The following MEGF6 variants were observed in gnomAD, a reference collection of about 807,000 sequenced individuals.
The protein encoded by MEGF6 is multiple epidermal growth factor-like domains protein 6.
MEGF6 carries 184 observed loss-of-function variants against 207.1 expected under a neutral mutation model. The ratio of observed to expected loss-of-function variants is 0.89; its 90% confidence interval spans 0.79 to 1.00. The LOEUF (loss-of-function observed/expected upper bound fraction) is 1.00, where lower values mean the gene tolerates loss of function less well. Among genes scored for constraint, MEGF6 ranks in the 50% least tolerant of loss-of-function variants. MEGF6 has a pLI of 0.00. For synonymous variants in MEGF6, 1,038 were observed against 910.0 expected, an observed-to-expected ratio of 1.14 and a Z score of -2.53; for missense variants, 2,282 against 2,202.9, an observed-to-expected ratio of 1.04 and a Z score of -0.72.
chr1:3,571,473 GCT>G (rs1643491454), intron 4 of MEGF6, among the ~76,000 whole-genome samples: 2 of 151,802 alleles, frequency 1.3e-5, no homozygotes, highest in Non-Finnish European at 2.9e-5. Context: ...CCCCAAGGGT[GCT>G]GGGTCCTCCC....
In MEGF6 at chr1:3,514,544, T is replaced by C; in HGVS notation, c.853+6A>G. On this transcript the variant is annotated splice_donor_region_variant and intron_variant, in intron 7 of 36. Coordinates refer to ENST00000356575, the MANE Select transcript of MEGF6 (RefSeq NM_001409.4). ...GGCGGGGCGGAGCAGGGGAGGGGCG[T>C]CCTACCTTCACAGGCCTTGCCGTCC... 1 of 1,589,190 alleles carries C rather than the reference T, an allele frequency of 6.3e-7. No individual in the cohort carries two copies.
At chr1:3,552,125 GCT>G (rs1456882375) in intron 4 of MEGF6, among the ~76,000 whole-genome samples, 7 of 152,330 alleles carry the variant, frequency 4.6e-5, no homozygotes, top group African/African-American at 1.7e-4. Flanking sequence ...CCCAGCGGTG[GCT>G]CCCCTCAGGA....
At position 3,501,862 on chromosome 1, in the gene MEGF6, G is replaced by T. The variant is rs773488474; in HGVS notation, c.2248C>A (p.Pro750Thr). 6 of 1,608,374 alleles carry T rather than the reference G, an allele frequency of 3.7e-6. No individual in the cohort carries two copies. The highest frequency in any genetic ancestry group is 5.1e-6 in the Non-Finnish European group (6 of 1,178,540). The part of the protein sequence containing the change: ...CSSSCSCGGA[P>T]CHGVTGQCRC... Reference sequence around the variant, plus strand: ...CACTGCCCCGTGACCCCGTGGCAGGGGGCCCCCCCACAGGAGCAGGAGCTC... The same window carrying T: ...CACTGCCCCGTGACCCCGTGGCAGGTGGCCCCCCCACAGGAGCAGGAGCTC... Residue 750 changes from proline (P) to threonine (T), a missense_variant, in exon 18 of 37, where the codon CCC (proline) becomes ACC (threonine). Pro to Thr is a conservative substitution (Grantham distance 38). Coordinates refer to ENST00000356575, the MANE Select transcript of MEGF6 (RefSeq NM_001409.4).
Position 3,595,329 on chromosome 1 carries a change from G to A in MEGF6, c.376+9C>T, listed in dbSNP as rs760545407. 2.7e-5 allele frequency: 43 copies of A among 1,600,380 alleles called. No individual in the cohort carries two copies. Among genetic ancestry groups the A allele is most frequent in the East Asian group, 8.9e-5 (4 of 44,746 alleles). On this transcript the variant is annotated intron_variant, in intron 3 of 36. Coordinates refer to ENST00000356575, the MANE Select transcript of MEGF6 (RefSeq NM_001409.4). ...GGAGGGAGGGCGGGGAGGCGCAGGCGGCACTCACCCGAGAGGCAGCCCTCC... is the reference window on the plus strand; with the variant it reads ...GGAGGGAGGGCGGGGAGGCGCAGGCAGCACTCACCCGAGAGGCAGCCCTCC...
intron 5 of MEGF6, among the ~76,000 whole-genome samples, chr1:3,515,871 T>A (rs534121730): frequency 1.3e-5 from 2 of 151,820 alleles, no homozygotes; most frequent in African/African-American, 4.8e-5. Flanking sequence ...GCACCAGGGG[T>A]CTCTGAGAAG....
intron 3 of MEGF6, among the ~76,000 whole-genome samples, chr1:3,585,068 CTATG>C (rs1643873073): frequency 6.8e-6 from 1 of 147,254 alleles, no homozygotes; most frequent in Non-Finnish European, 1.5e-5. Context: ...GACACGTGTC[CTATG>C]TGTGAGTGTG....
intron 4 of MEGF6, among the ~76,000 whole-genome samples, chr1:3,537,435 C>T (rs1390219029): frequency 3.3e-5 from 5 of 152,248 alleles, no homozygotes; most frequent in Admixed American, 1.3e-4. Context: ...GGTTACAGGC[C>T]CAGCAGGCAC....
chr1:3,619,076 C>A, the MEGF6 span, among the ~76,000 whole-genome samples: 4 of 152,228 alleles, frequency 2.6e-5, no homozygotes, highest in Non-Finnish European at 5.9e-5. Context: ...CACTTCCCAG[C>A]GGAGATTTCC....
At chr1:3,502,052 G>GAA (rs1569967068) in intron 17 of MEGF6, 131 bp from the exon 18 acceptor site, 1 of 268,324 alleles carries the variant, frequency 3.7e-6, no homozygotes, top group African/African-American at 1.0e-4. Context: ...TGCCCCCCCG[G>GAA]CGCCTCCTCA....
chr1:3,504,783 C>T (rs568785274), intron 17 of MEGF6, among the ~76,000 whole-genome samples: 24 of 152,196 alleles, frequency 1.6e-4, no homozygotes, highest in Non-Finnish European at 3.4e-4. Context: ...GCCGGCACTG[C>T]ACCCAGACCA....
At chr1:3,586,674 G>T (rs78946699) in intron 3 of MEGF6, among the ~76,000 whole-genome samples, 2 of 152,182 alleles carry the variant, frequency 1.3e-5, no homozygotes, top group African/African-American at 4.8e-5. Context: ...CATGCGGCCC[G>T]AACGGAAAAG....
In MEGF6 at chr1:3,511,958, G is replaced by C. The variant is rs1249907434; in HGVS notation, c.976+48C>G. 21 of 1,610,162 alleles carry C rather than the reference G, an allele frequency of 1.3e-5. No individual in the cohort carries two copies. In the Admixed American group the frequency reaches 2.3e-4, roughly 18 times the overall value. On this transcript the variant is annotated intron_variant, in intron 8 of 36. Coordinates refer to ENST00000356575, the MANE Select transcript of MEGF6 (RefSeq NM_001409.4). ...GCAGGCCTCGGGGTCCTGGGGAGCA[G>C]CATGGCCATCCCGGGCACCTTCAGC...
At chr1:3,496,160 T>C in intron 29 of MEGF6, 142 bp from the exon 30 acceptor site, 1 of 1,249,288 alleles carries the variant, frequency 8.0e-7, no homozygotes, top group Non-Finnish European at 1.1e-6. Context: ...CCAACTCTCA[T>C]GCACCCACCC....
chr1:3,538,442 G>T (rs1268566210), intron 4 of MEGF6, among the ~76,000 whole-genome samples: 1 of 152,222 alleles, frequency 6.6e-6, no homozygotes, highest in African/African-American at 2.4e-5. Context: ...CAAGCCAAAG[G>T]AAGGAAAATT....
intron 1 of MEGF6, among the ~76,000 whole-genome samples, chr1:3,606,920 G>A (rs1023049494): frequency 6.6e-6 from 1 of 152,152 alleles, no homozygotes; most frequent in African/African-American, 2.4e-5. Context: ...AGATGACACA[G>A]AGAGGGCAGA....
At position 3,505,304 on chromosome 1, in the gene MEGF6, C is replaced by A; in HGVS notation, c.2092G>T (p.Ala698Ser). 2 of 1,612,066 alleles carry A rather than the reference C, an allele frequency of 1.2e-6. No individual in the cohort carries two copies. The highest frequency in any genetic ancestry group is 1.7e-6 in the Non-Finnish European group (2 of 1,179,590). The stretch of plus-strand genomic sequence containing the variant: ...GCCACGCCCACTGGGCAGGTGCATG[C>A]CTGCCAGCACCCCGGCCCAAAGTAG... ...LGYFGPGCWQ[A>S]CTCPVGVACD... Residue 698 changes from alanine (A) to serine (S), a missense_variant, in exon 17 of 37, where the codon GCA becomes TCA. By Grantham distance (99) the Ala-to-Ser change is moderately conservative. Coordinates refer to ENST00000356575, the MANE Select transcript of MEGF6 (RefSeq NM_001409.4).
intron 5 of MEGF6, among the ~76,000 whole-genome samples, chr1:3,516,596 C>T (rs1006201304): frequency 1.3e-5 from 2 of 152,168 alleles, no homozygotes; most frequent in Admixed American, 6.5e-5. Context: ...GGCCTGGGGC[C>T]GAGTCTGGGG....
intron 3 of MEGF6, among the ~76,000 whole-genome samples, chr1:3,585,980 G>A (rs2487682): frequency 0.8 from 70,161 of 87,492 alleles, 26,666 homozygotes; most frequent in Non-Finnish European, 0.85. Context: ...GTGTGTGGAC[G>A]CATGTCCTGT....
chr1:3,583,237 T>A (rs1168054378), intron 3 of MEGF6, among the ~76,000 whole-genome samples: 1 of 151,822 alleles, frequency 6.6e-6, no homozygotes, highest in Non-Finnish European at 1.5e-5. Context: ...GCCGTCAGCA[T>A]CCCCTCCGCA....
Sources: allele counts gnomAD v4.1 joint callset (sites outside exome capture counted in the v4.1 genomes callset), GRCh38; gene constraint gnomAD v4.1.1; transcripts MANE v1.5; gene names NCBI Gene and HGNC (gene_info 2026-07-23, HGNC 2026-07-21).